TIE1: variants seen among roughly 807,000 people sequenced by gnomAD.
TIE1 encodes the protein tyrosine kinase with immunoglobulin like and EGF like domains 1.
Under a neutral mutation model 130.5 loss-of-function variants are expected in TIE1, and 89 were observed. The observed-to-expected ratio is 0.68, with a 90% CI of 0.57 to 0.81. The LOEUF (loss-of-function observed/expected upper bound fraction) is 0.81. Ranked by LOEUF, TIE1 falls within the 40% of genes least tolerant of loss-of-function variation. The probability of loss-of-function intolerance (pLI) is 0.00; values close to 1 mark genes in which losing one functional copy is unlikely to be tolerated. For synonymous variants in TIE1, 568 were observed against 629.4 expected, an observed-to-expected ratio of 0.90 and a Z score of 1.46; for missense variants, 1,392 against 1,559.8, an observed-to-expected ratio of 0.89 and a Z score of 1.81.
chr1:43,317,835 A>G lies in TIE1; in HGVS notation c.2732-47A>G, dbSNP rs1335860953. On this transcript the variant is annotated intron_variant, in intron 16 of 22. Transcript: ENST00000372476. This position sits in a 1 kb window ranked among gnomAD's most constrained non-coding sequence, Gnocchi z 5.1. The stretch of plus-strand genomic sequence containing the variant: ...ACCATCGGGTGCCTGCTCCCACCCT[A>G]GGTTGCCTGTGTCTAAATCACCACT... 8.1e-6 allele frequency: 13 copies of G among 1,601,884 alleles called. No individual in the cohort carries two copies. Among genetic ancestry groups the G allele is most frequent in the Non-Finnish European group, 9.4e-6 (11 of 1,170,636 alleles).
chr1:43,307,802 C>T lies in TIE1; in HGVS notation c.920C>T (p.Ala307Val), dbSNP rs1360503718. 2 of 1,614,070 alleles carry T rather than the reference C, an allele frequency of 1.2e-6. No homozygotes were observed. Among genetic ancestry groups the T allele is most frequent in the African/African-American group, 1.3e-5 (1 of 74,936 alleles). ...WRGSQCQEAC[A>V]PGHFGADCRL... Reference sequence around the variant, plus strand: ...ATACCTCCTCTATTCCCAGCTTGTGCCCCTGGTCATTTTGGGGCTGATTGC... The same window carrying T: ...ATACCTCCTCTATTCCCAGCTTGTGTCCCTGGTCATTTTGGGGCTGATTGC... The change falls in exon 7 of 23, where the codon GCC becomes GTC. Residue 307 changes from alanine (A) to valine (V), a missense_variant. This residue lies in a region of TIE1 where 28 missense variants were observed against 54.7 expected (regional missense o/e 0.51). Coordinates refer to ENST00000372476, the MANE Select transcript of TIE1 (RefSeq NM_005424.5). This position sits in a 1 kb window ranked among gnomAD's most constrained non-coding sequence, Gnocchi z 5.4.
Position 43,307,373 on chromosome 1 carries a change from G to A in TIE1, c.773-59G>A. 1.2e-6 allele frequency: 2 copies of A among 1,611,498 alleles called. No homozygotes were observed. Among genetic ancestry groups the A allele is most frequent in the Non-Finnish European group, 1.7e-6 (2 of 1,178,358 alleles). ...GGAGCTTGGAGGGTAAGGGCGACAGGCAGGTCCTGGGCCCAGGGGCCCACA... is the reference window on the plus strand; with the variant it reads ...GGAGCTTGGAGGGTAAGGGCGACAGACAGGTCCTGGGCCCAGGGGCCCACA... On this transcript the variant is annotated intron_variant, in intron 5 of 22. Transcript: ENST00000372476. This position sits in a 1 kb window ranked among gnomAD's most constrained non-coding sequence, Gnocchi z 5.4.
rs144699870 is a variant in TIE1, at chr1:43,312,451, C to T, written c.1777C>T (p.Arg593Trp). The change falls in exon 12 of 23, where the codon CGG becomes TGG. Residue 593 changes from arginine (R) to tryptophan (W), a missense_variant. Transcript: ENST00000372476. The surrounding 1 kb of genome is among the most constrained non-coding windows in gnomAD (Gnocchi z 5.6). ...RLWDGTRGQE[R>W]RENVSSPQAR... is the part of the protein sequence containing the mutation. ...GTGGGACGGGACACGGGGGCAGGAG[C>T]GGCGGGAGAACGTCTCATCCCCCCA... The T allele has an allele frequency of 5.2e-5, 83 of 1,610,426 alleles. No homozygotes were observed. Among genetic ancestry groups the T allele is most frequent in the Middle Eastern group, 1.6e-4 (1 of 6,072 alleles).
In TIE1 at chr1:43,309,034, TA is replaced by T. The variant is rs1334590949; in HGVS notation, c.1092del (p.Glu365ArgfsTer21). On this transcript the variant is annotated frameshift_variant, in exon 8 of 23. Coordinates refer to ENST00000372476, the MANE Select transcript of TIE1 (RefSeq NM_005424.5). LOFTEE classifies it high-confidence loss of function. This position sits in a 1 kb window ranked among gnomAD's most constrained non-coding sequence, Gnocchi z 6.3. ...ATGGCCTCAGAACTGGAGTTCAACT[TA>T]GAGACGATGCCCCGGATCAACTGTG... ...LNMASELEFN[L>X]ETMPRINCAA... The T allele has an allele frequency of 1.9e-6, 3 of 1,613,870 alleles. No individual in the cohort carries two copies. The Admixed American group carries it at 5.0e-5, about 27-fold the overall frequency.
rs1052294803 is a variant in TIE1, at chr1:43,309,996, G to A, written c.1333+464G>A. Among the ~76,000 whole-genome samples the A allele has an allele frequency of 5.3e-5, 8 of 152,046 alleles. No individual in the cohort carries two copies. Among genetic ancestry groups the A allele is most frequent in the African/African-American group, 1.9e-4 (8 of 41,384 alleles). ...CCTAGAAATCTTCCAGGTAAATAAGGAGGGACCTCCCAGTGCCCAAGATTA... is the reference window on the plus strand; with the variant it reads ...CCTAGAAATCTTCCAGGTAAATAAGAAGGGACCTCCCAGTGCCCAAGATTA... On this transcript the variant is annotated intron_variant, in intron 9 of 22. Transcript: ENST00000372476. The surrounding 1 kb of genome is among the most constrained non-coding windows in gnomAD (Gnocchi z 6.3).
Position 43,307,824 on chromosome 1 carries a change from T to C in TIE1, c.942T>C (p.Asp314=), listed in dbSNP as rs1439815004. 5.0e-6 allele frequency: 8 copies of C among 1,614,176 alleles called. No homozygotes were observed. Among genetic ancestry groups the C allele is most frequent in the South Asian group, 3.3e-5 (3 of 91,068 alleles). ...EACAPGHFGA[D]CRLQCQCQNG... ...GTGCCCCTGGTCATTTTGGGGCTGA[T>C]TGCCGACTCCAGTGCCAGTGTCAGA... Residue 314 remains aspartate, a synonymous_variant, in exon 7 of 23, where the codon GAT becomes GAC. Coordinates refer to ENST00000372476, the MANE Select transcript of TIE1 (RefSeq NM_005424.5). The surrounding 1 kb of genome is among the most constrained non-coding windows in gnomAD (Gnocchi z 5.4).
rs1294277537 is a variant in TIE1 at position 43,304,834 on chromosome 1, T to G, written c.59-17T>G. 7.1e-7 allele frequency: 1 copy of G among 1,414,868 alleles called. No individual in the cohort carries two copies. The highest frequency in any genetic ancestry group is 1.5e-5 in the South Asian group (1 of 65,024). The allele number at this position is 1,414,868 out of a possible 1,614,324, so 87.6% of individuals were successfully genotyped here. ...TTGGCTGGGACTACAATAGAGTCAC[T>G]GGTGTCCTGGCCCCAGGCGCGGCGG... On this transcript the variant is annotated splice_polypyrimidine_tract_variant and intron_variant, in intron 1 of 22. Coordinates refer to ENST00000372476, the MANE Select transcript of TIE1 (RefSeq NM_005424.5).
Position 43,321,483 on chromosome 1 carries a change from A to G in TIE1, c.3236A>G (p.Asp1079Gly). The G allele has an allele frequency of 6.2e-7, 1 of 1,612,734 alleles. No homozygotes were observed. The highest frequency in any genetic ancestry group is 8.5e-7 in the Non-Finnish European group (1 of 1,179,418). Residue 1079 changes from aspartate to glycine, a missense_variant, in exon 21 of 23, where the codon GAC becomes GGC. This residue lies in a region of TIE1 where 104 missense variants were observed against 129.3 expected (regional missense o/e 0.80). Coordinates refer to ENST00000372476, the MANE Select transcript of TIE1 (RefSeq NM_005424.5). ...GYRMEQPRNCDDEVYELMRQC... is the reference protein window; with the variant it reads ...GYRMEQPRNCGDEVYELMRQC... ...CGCATGGAGCAGCCTCGAAACTGTG[A>G]CGATGAAGTGTGAGTCACCCCATCC...
At chr1:43,321,745 TG>T (rs1296916638) in intron 22 of TIE1, 30 bp downstream of exon 22, 2 of 1,548,906 alleles carry the variant, frequency 1.3e-6, no homozygotes, top group Admixed American at 3.9e-5. Context: ...GGTGGCGGGC[TG>T]GGCTCACAGA....
Position 43,314,246 on chromosome 1 carries a change from A to C in TIE1, c.2409+278A>C. 4 of 712,602 alleles carry C rather than the reference A, an allele frequency of 5.6e-6. No homozygotes were observed. In the South Asian group the frequency reaches 7.8e-5, roughly 14 times the overall value. The allele number at this position is 712,602 out of a possible 1,614,324, so 44.1% of individuals were successfully genotyped here. On this transcript the variant is annotated intron_variant, in intron 14 of 22. Coordinates refer to ENST00000372476, the MANE Select transcript of TIE1 (RefSeq NM_005424.5). The stretch of plus-strand genomic sequence containing the variant: ...GTGATGACCATATTTCACAATGGAC[A>C]TTCCAGTTTTGGGCTCCGTCAATTG...
chr1:43,309,492 T>A lies in TIE1; in HGVS notation c.1293T>A (p.Ser431=), dbSNP rs552209040. 4 of 1,605,738 alleles carry A rather than the reference T, an allele frequency of 2.5e-6. No individual in the cohort carries two copies. In the East Asian group the frequency reaches 8.9e-5, roughly 36 times the overall value. ...TCTGGGAGTGCCGTGTGTCCACATCTGGCGGCCAAGACAGCCGGCGCTTCA... is the reference window on the plus strand; with the variant it reads ...TCTGGGAGTGCCGTGTGTCCACATCAGGCGGCCAAGACAGCCGGCGCTTCA... ...SGFWECRVST[S]GGQDSRRFKV... Residue 431 remains serine (S), a synonymous_variant, in exon 9 of 23, where the codon TCT becomes TCA. Transcript: ENST00000372476. This position sits in a 1 kb window ranked among gnomAD's most constrained non-coding sequence, Gnocchi z 6.3.
chr1:43,313,452 C>A lies in TIE1; in HGVS notation c.2218+27C>A, dbSNP rs1163624331. The A allele has an allele frequency of 9.3e-6, 15 of 1,612,280 alleles. No homozygotes were observed. Among genetic ancestry groups the A allele is most frequent in the Non-Finnish European group, 1.2e-5 (14 of 1,179,194 alleles). On this transcript the variant is annotated intron_variant, in intron 13 of 22. Transcript: ENST00000372476. The surrounding 1 kb of genome is among the most constrained non-coding windows in gnomAD (Gnocchi z 6.2). ...TGAGAGGGCAGGGCCCACAGGACCC[C>A]CCGGGCTCTGAGCGGGGAGAGCTCA... is the stretch of plus-strand genomic sequence containing the variant.
rs774649567 is a variant in TIE1 at position 43,308,837 on chromosome 1, TGGA to T, written c.1043-144_1043-142del. On this transcript the variant is annotated intron_variant, in intron 7 of 22. Transcript: ENST00000372476. ...CTGATGGGATGTGGGGCTGGGACGC[TGGA>T]GGAGTCATGCGGGCCTTTGCTGGTT... 4 of 1,012,376 alleles carry T rather than the reference TGGA, an allele frequency of 4.0e-6. No homozygotes were observed. In the East Asian group the frequency reaches 1.0e-4, roughly 26 times the overall value. 62.7% of individuals were successfully genotyped at this position (1,012,376 alleles called of 1,614,324 possible).
Position 43,304,862 on chromosome 1 carries a change from G to C in TIE1, c.70G>C (p.Asp24His). Residue 24 changes from aspartate (D) to histidine (H), a missense_variant, in exon 2 of 23, where the codon GAC (aspartate) becomes CAC (histidine). This residue lies in a region of TIE1 where 415 missense variants were observed against 424.8 expected (regional missense o/e 0.98). Transcript: ENST00000372476. ...TGTCCTGGCCCCAGGCGCGGCGGTG[G>C]ACCTGACGCTGCTGGCCAACCTGCG... ...FLASHVGAAV[D>H]LTLLANLRLT... 7.0e-7 allele frequency: 1 copy of C among 1,421,592 alleles called. No homozygotes were observed. Among genetic ancestry groups the C allele is most frequent in the East Asian group, 2.6e-5 (1 of 37,922 alleles). 88.1% of individuals were successfully genotyped at this position (1,421,592 alleles called of 1,614,324 possible). A position where few individuals can be genotyped will look rare whatever the true frequency, so the allele number is the denominator to read the frequency against.
Position 43,307,361 on chromosome 1 carries a change from T to C in TIE1, c.773-71T>C, listed in dbSNP as rs967514453. The C allele has an allele frequency of 6.2e-7, 1 of 1,611,444 alleles. No individual in the cohort carries two copies. Among genetic ancestry groups the C allele is most frequent in the African/African-American group, 1.3e-5 (1 of 74,832 alleles). On this transcript the variant is annotated intron_variant, in intron 5 of 22. Coordinates refer to ENST00000372476, the MANE Select transcript of TIE1 (RefSeq NM_005424.5). The surrounding 1 kb of genome is among the most constrained non-coding windows in gnomAD (Gnocchi z 5.4). ...AACCATGTGGGTGGAGCTTGGAGGG[T>C]AAGGGCGACAGGCAGGTCCTGGGCC...
Position 43,309,869 on chromosome 1 carries a change from A to G in TIE1, c.1333+337A>G, listed in dbSNP as rs1303314875. On this transcript the variant is annotated intron_variant, in intron 9 of 22. Coordinates refer to ENST00000372476, the MANE Select transcript of TIE1 (RefSeq NM_005424.5). This position sits in a 1 kb window ranked among gnomAD's most constrained non-coding sequence, Gnocchi z 6.3. ...ACTCTGCTCTGGGATGCTGCCTCCC[A>G]TCTCTGAGTCACCCCACAGACACTC... 3.3e-5 allele frequency among the ~76,000 whole-genome samples: 5 copies of G among 152,204 alleles called. No homozygotes were observed. In the East Asian group the frequency reaches 9.7e-4, roughly 29 times the overall value.
intron 1 of TIE1, 111 bp from the exon 2 acceptor site, chr1:43,304,740 C>A: frequency 8.5e-7 from 1 of 1,179,974 alleles, no homozygotes; most frequent in Non-Finnish European, 1.1e-6. Flanking sequence ...AGGTTGGAGA[C>A]CCTCTTCTGA....
intron 1 of TIE1, among the ~76,000 whole-genome samples, chr1:43,304,076 G>C (rs1244214155): frequency 7.3e-6 from 1 of 137,106 alleles, no homozygotes; most frequent in Non-Finnish European, 1.7e-5. Context: ...TCTGGGCCCA[G>C]CCCCAAGCTT....
At position 43,317,163 on chromosome 1, in the gene TIE1, C is replaced by T. The variant is rs116617118; in HGVS notation, c.2410-36C>T. The T allele has an allele frequency of 1.2e-3, 1,913 of 1,606,632 alleles. 24 individuals are homozygous for T. In the African/African-American group the frequency reaches 0.023, roughly 19 times the overall value. On this transcript the variant is annotated intron_variant, in intron 14 of 22. Coordinates refer to ENST00000372476, the MANE Select transcript of TIE1 (RefSeq NM_005424.5). This position sits in a 1 kb window ranked among gnomAD's most constrained non-coding sequence, Gnocchi z 5.1. The stretch of plus-strand genomic sequence containing the variant: ...CTCCTTCCGCCCCCTTTGACTCTTG[C>T]GTGGACCGTCTGCCCTCTTGTCTCA...
Sources: allele counts gnomAD v4.1 joint callset (sites outside exome capture counted in the v4.1 genomes callset), GRCh38; gene constraint gnomAD v4.1.1; regional missense constraint gnomAD v4.1.1; non-coding constraint Gnocchi (gnomAD v3.1); transcripts MANE v1.5; gene names NCBI Gene and HGNC (gene_info 2026-07-23, HGNC 2026-07-21).